The following DZANK1 variants were observed in gnomAD, a reference collection of about 807,000 sequenced individuals.
The protein encoded by DZANK1 is double zinc ribbon and ankyrin repeat domains 1.
Under a neutral mutation model 94.5 loss-of-function variants are expected in DZANK1, and 91 were observed. The observed-to-expected ratio is 0.96, with a 90% CI of 0.81 to 1.15. The LOEUF is 1.15. Ranked by LOEUF, DZANK1 falls within the 50% of genes most tolerant of loss-of-function variation. DZANK1 has a pLI of 0.00. For missense variants in DZANK1, 903 were observed against 916.4 expected, an observed-to-expected ratio of 0.99 and a Z score of 0.19; for synonymous variants, 312 against 325.3, an observed-to-expected ratio of 0.96 and a Z score of 0.44.
At position 18,441,381 on chromosome 20, in the gene DZANK1, T is replaced by A. The variant is rs2058710187; in HGVS notation, c.747+1966A>T. Among the ~76,000 whole-genome samples the A allele has an allele frequency of 1.3e-5, 2 of 152,202 alleles. No individual in the cohort carries two copies. The highest frequency in any genetic ancestry group is 2.9e-5 in the Non-Finnish European group (2 of 68,042). On this transcript the variant is annotated intron_variant, in intron 8 of 20. Transcript: ENST00000262547. This position sits in a 1 kb window ranked among gnomAD's most constrained non-coding sequence, Gnocchi z 4.1. ...GGGACCAATCCCACTACCAATTCTGTATCAGTCAGAGTCCAATCAGGACAT... is the reference window on the plus strand; with the variant it reads ...GGGACCAATCCCACTACCAATTCTGAATCAGTCAGAGTCCAATCAGGACAT...
chr20:18,441,532 C>T lies in DZANK1; in HGVS notation c.747+1815G>A, dbSNP rs1354624298. ...AGAAATTCCAAACATAGGGAGGATC[C>T]CCTACCTCTGTGGCTGAGACAGAGA... On this transcript the variant is annotated intron_variant, in intron 8 of 20. Coordinates refer to ENST00000262547, the Ensembl canonical transcript of DZANK1. The surrounding 1 kb of genome is among the most constrained non-coding windows in gnomAD (Gnocchi z 4.1). Among the ~76,000 whole-genome samples the T allele has an allele frequency of 2.6e-5, 4 of 152,144 alleles. No homozygotes were observed. Among genetic ancestry groups the T allele is most frequent in the Non-Finnish European group, 4.4e-5 (3 of 68,032 alleles).
intron 18 of DZANK1, 91 bp downstream of exon 18, chr20:18,390,288 C>T: frequency 8.4e-7 from 1 of 1,195,710 alleles, no homozygotes. Context: ...GTAATTTTCA[C>T]AGTATTGAAC....
chr20:18,417,697 C>T (rs140521512), intron 10 of DZANK1, among the ~76,000 whole-genome samples: 1 of 152,120 alleles, frequency 6.6e-6, no homozygotes, highest in Non-Finnish European at 1.5e-5. Context: ...TAACAGAAAT[C>T]ATCTTTTTTT....
intron 10 of DZANK1, among the ~76,000 whole-genome samples, chr20:18,419,960 G>C (rs2057699230): frequency 6.7e-6 from 1 of 149,022 alleles, no homozygotes. Flanking sequence ...CCTTATAATT[G>C]TTTAAAGTAG....
At chr20:18,397,560 T>C (rs1050467972) in intron 14 of DZANK1, among the ~76,000 whole-genome samples, 1 of 152,206 alleles carries the variant, frequency 6.6e-6, no homozygotes, top group Non-Finnish European at 1.5e-5. Context: ...TTCTTCTGAC[T>C]ATCAACTGCG....
chr20:18,392,561 T>C (rs1216824699), intron 17 of DZANK1, among the ~76,000 whole-genome samples: 1 of 152,170 alleles, frequency 6.6e-6, no homozygotes, highest in African/African-American at 2.4e-5. Flanking sequence ...CATCTGTTCT[T>C]TGTATTGCAG....
intron 2 of DZANK1, among the ~76,000 whole-genome samples, chr20:18,460,728 C>CAA (rs751139958): frequency 8.4e-6 from 1 of 118,358 alleles, no homozygotes. Context: ...GACTCCGTCT[C>CAA]AAAAAAAAAA....
chr20:18,455,508 T>G, intron 3 of DZANK1, 147 bp from the exon 4 acceptor site: 1 of 668,680 alleles, frequency 1.5e-6, no homozygotes, highest in South Asian at 1.8e-5. Flanking sequence ...GTAATTTCTA[T>G]AGTCTTTCCT....
At chr20:18,393,485 G>A (rs2056139812) in intron 17 of DZANK1, among the ~76,000 whole-genome samples, 4 of 152,080 alleles carry the variant, frequency 2.6e-5, no homozygotes, top group Admixed American at 2.6e-4. Flanking sequence ...TGACCCCAGA[G>A]GAAACACAGA....
At chr20:18,431,658 A>T (rs964928327) in intron 9 of DZANK1, among the ~76,000 whole-genome samples, 1 of 152,234 alleles carries the variant, frequency 6.6e-6, no homozygotes, top group Non-Finnish European at 1.5e-5. Context: ...TCTCTCCAGC[A>T]TCAGAGGTTA....
At chr20:18,402,218 G>C (rs1371541698) in intron 13 of DZANK1, among the ~76,000 whole-genome samples, 2 of 152,092 alleles carry the variant, frequency 1.3e-5, no homozygotes, top group Non-Finnish European at 2.9e-5. Context: ...GTGACCATCA[G>C]GTGATGGTCA....
chr20:18,451,777 G>T (rs1011922398), intron 6 of DZANK1: 4 of 458,466 alleles, frequency 8.7e-6, no homozygotes, highest in Non-Finnish European at 1.7e-5. Flanking sequence ...CCTCTCATCC[G>T]TCGGATCCCT....
At chr20:18,426,610 C>T (rs377024899) in intron 10 of DZANK1, among the ~76,000 whole-genome samples, 5 of 152,300 alleles carry the variant, frequency 3.3e-5, no homozygotes, top group East Asian at 3.9e-4. Context: ...ACTCGTATTT[C>T]TTCCCTTCAA....
chr20:18,384,865 G>A (rs1188219129), intron 20 of DZANK1, 151 bp downstream of exon 20: 1 of 750,402 alleles, frequency 1.3e-6, no homozygotes, highest in Non-Finnish European at 2.2e-6. Flanking sequence ...GCTTTGAAAA[G>A]CCCTCAGTGC....
intron 10 of DZANK1, among the ~76,000 whole-genome samples, chr20:18,423,394 G>A (rs1411079486): frequency 6.6e-6 from 1 of 152,142 alleles, no homozygotes; most frequent in Non-Finnish European, 1.5e-5. Context: ...TATAGTTGGA[G>A]CTTTCCAATA....
At chr20:18,429,159 A>G (rs2058182348) in intron 9 of DZANK1, among the ~76,000 whole-genome samples, 1 of 152,202 alleles carries the variant, frequency 6.6e-6, no homozygotes, top group Admixed American at 6.5e-5. Flanking sequence ...GAGAAATGAG[A>G]CAAATTTCCT....
intron 12 of DZANK1, among the ~76,000 whole-genome samples, chr20:18,413,793 C>G (rs753073564): frequency 6.6e-6 from 1 of 151,980 alleles, no homozygotes; most frequent in Non-Finnish European, 1.5e-5. Context: ...AAAAAAAGGT[C>G]ATGAACTCCC....
exon 19 of DZANK1, chr20:18,389,702 G>A: frequency 6.2e-7 from 1 of 1,613,658 alleles, no homozygotes; most frequent in Non-Finnish European, 8.5e-7. Context: ...TTCACTTACG[G>A]CCCCCACTGC....
At chr20:18,456,277 T>C (rs1220237980) in intron 3 of DZANK1, among the ~76,000 whole-genome samples, 4 of 152,240 alleles carry the variant, frequency 2.6e-5, no homozygotes, top group Non-Finnish European at 5.9e-5. Flanking sequence ...ATTCATAATA[T>C]TTCACAATTC....
Sources: gnomAD v4.1 joint callset for allele counts (sites outside exome capture counted in the v4.1 genomes callset) on GRCh38, gnomAD v4.1.1 for gene constraint, Gnocchi (gnomAD v3.1) non-coding constraint, MANE v1.5 for transcripts, NCBI Gene and HGNC (gene_info 2026-07-23, HGNC 2026-07-21) for gene names.